The following COG4 variants were observed in gnomAD, a reference collection of about 807,000 sequenced individuals.
COG4 encodes the protein conserved oligomeric Golgi complex subunit 4.
A neutral mutation model predicts 95.1 loss-of-function variants in COG4; 65 were observed. The observed-to-expected ratio is 0.68, with a 90% CI of 0.56 to 0.84. COG4 has a LOEUF of 0.84. COG4 is among the 40% of genes least tolerant of loss of function. COG4 has a pLI of 0.00. For synonymous variants in COG4, 421 were observed against 374.8 expected (o/e 1.12, Z -1.42); for missense variants, 1,045 against 989.1 (o/e 1.06, Z -0.76).
chr16:70,498,175 G>A (rs546208422), intron 9 of COG4, 120 bp from the exon 10 acceptor site: 71 of 702,116 alleles, frequency 1.0e-4, no homozygotes, highest in South Asian at 3.4e-4. Flanking sequence ...ATTTTACATC[G>A]TTACAATCAT....
intron 12 of COG4, among the ~76,000 whole-genome samples, chr16:70,495,121 T>C (rs1225179615): frequency 1.3e-5 from 2 of 151,672 alleles, no homozygotes; most frequent in African/African-American, 2.4e-5. Context: ...CCAGGCACGG[T>C]AGCTCATGCC....
At chr16:70,512,746 G>A (rs748389394) in intron 4 of COG4, among the ~76,000 whole-genome samples, 3 of 152,204 alleles carry the variant, frequency 2.0e-5, no homozygotes, top group Admixed American at 6.5e-5. Context: ...TTGGAAGGCC[G>A]AGATGGCTGA....
At chr16:70,501,684 G>C (rs2049454072) in intron 8 of COG4, 1 of 157,576 alleles carries the variant, frequency 6.3e-6, no homozygotes, top group Non-Finnish European at 1.4e-5. Flanking sequence ...ACAGAGTCTT[G>C]CTCTGTTGCC....
chr16:70,492,248 T>G (rs1465044254), intron 12 of COG4, among the ~76,000 whole-genome samples: 2 of 152,182 alleles, frequency 1.3e-5, no homozygotes, highest in Admixed American at 6.6e-5. Context: ...TATAATATCC[T>G]TTATAATAAA....
chr16:70,488,947 C>T (rs2049189369), intron 13 of COG4, among the ~76,000 whole-genome samples: 1 of 152,338 alleles, frequency 6.6e-6, no homozygotes, highest in South Asian at 2.1e-4. Flanking sequence ...CCTCTCATAA[C>T]AGTCATGTGG....
intron 15 of COG4, 98 bp downstream of exon 15, chr16:70,482,631 A>G (rs2049021388): frequency 2.1e-6 from 2 of 964,204 alleles, no homozygotes; most frequent in Admixed American, 1.9e-5. Context: ...CCTGGGAAGC[A>G]TGGAAGGTCT....
chr16:70,497,276 C>T lies in COG4; in HGVS notation c.1426G>A (p.Asp476Asn). The change falls in exon 11 of 19, where the codon GAC (aspartate) becomes AAC (asparagine). Residue 476 changes from aspartate (D) to asparagine (N), a missense_variant. Coordinates refer to ENST00000323786, the MANE Select transcript of COG4 (RefSeq NM_015386.3). ...AGGTTGATCATGGCACAGAGACAGT[C>T]AATGCTGGAGCTGGACAGAGCCCGC... ...IGRALSSSSI[D>N]CLCAMINLAT... 6.2e-7 allele frequency: 1 copy of T among 1,614,130 alleles called. No homozygotes were observed. Among genetic ancestry groups the T allele is most frequent in the Admixed American group, 1.7e-5 (1 of 60,008 alleles).
intron 13 of COG4, among the ~76,000 whole-genome samples, chr16:70,485,000 G>A (rs952797462): frequency 1.3e-5 from 2 of 152,094 alleles, no homozygotes; most frequent in African/African-American, 2.4e-5. Context: ...TATGAAATAG[G>A]TAAAATTATT....
chr16:70,508,362 C>T (rs1250727781), intron 8 of COG4, 44 bp downstream of exon 8: 1 of 1,481,116 alleles, frequency 6.8e-7, no homozygotes, highest in African/African-American at 1.4e-5. Context: ...ACATGATTAC[C>T]AATTCAAACT....
chr16:70,522,837 T>C (rs1290017155), intron 1 of COG4, among the ~76,000 whole-genome samples: 1 of 152,062 alleles, frequency 6.6e-6, no homozygotes, highest in Non-Finnish European at 1.5e-5. Context: ...TGTCCAAGAT[T>C]AGAGAATTGT....
Position 70,482,718 on chromosome 16 carries a change from G to A in COG4, c.1920+11C>T, listed in dbSNP as rs749598979. 1.9e-6 allele frequency: 3 copies of A among 1,610,524 alleles called. No individual in the cohort carries two copies. The highest frequency in any genetic ancestry group is 1.6e-4 in the Middle Eastern group (1 of 6,080). ...CATCGGGGCTTGATGGCTGCCTGTG[G>A]CCAGGCTAACCTCCTCGATGTTGTG... On this transcript the variant is annotated intron_variant, in intron 15 of 18. Coordinates refer to ENST00000323786, the MANE Select transcript of COG4 (RefSeq NM_015386.3).
chr16:70,521,090 G>T (rs73571295), intron 1 of COG4, among the ~76,000 whole-genome samples: 3,655 of 151,964 alleles, frequency 0.024, 147 homozygotes, highest in African/African-American at 0.08. Context: ...TCACTATATT[G>T]CCCAGGCTGG....
chr16:70,512,158 A>T, intron 5 of COG4, 81 bp downstream of exon 5: 1 of 1,316,976 alleles, frequency 7.6e-7, no homozygotes, highest in Non-Finnish European at 1.1e-6. Flanking sequence ...GAAAGTATCC[A>T]CAGAAACTGG....
At chr16:70,505,016 A>G (rs914011913) in intron 8 of COG4, among the ~76,000 whole-genome samples, 4 of 152,130 alleles carry the variant, frequency 2.6e-5, no homozygotes, top group Admixed American at 2.0e-4. Flanking sequence ...TGTCTGGCAT[A>G]CAGTTGACAT....
intron 9 of COG4, among the ~76,000 whole-genome samples, chr16:70,499,553 AT>A (rs1331835743): frequency 6.6e-6 from 1 of 152,126 alleles, no homozygotes; most frequent in Non-Finnish European, 1.5e-5. Flanking sequence ...ATTTTTTTAA[AT>A]TTTTTTCCTT....
Position 70,512,315 on chromosome 16 carries a change from C to A in COG4, c.662G>T (p.Arg221Leu), listed in dbSNP as rs758395513. The change falls in exon 5 of 19, where the codon CGC becomes CTC. Residue 221 changes from arginine to leucine, a missense_variant. Coordinates refer to ENST00000323786, the MANE Select transcript of COG4 (RefSeq NM_015386.3). The part of the protein sequence containing the change: ...TKEGDLPQVE[R>L]FFKIFPLLGL... ...CAGCAGTGGGAAGATCTTGAAGAAG[C>A]GCTCCACCTGGGGCAGATCACCTTC... 6.2e-7 allele frequency: 1 copy of A among 1,614,112 alleles called. No individual in the cohort carries two copies. The highest frequency in any genetic ancestry group is 1.1e-5 in the South Asian group (1 of 91,070).
chr16:70,505,696 G>A (rs2151755332), intron 8 of COG4, among the ~76,000 whole-genome samples: 1 of 151,134 alleles, frequency 6.6e-6, no homozygotes, highest in Middle Eastern at 3.4e-3. Context: ...GGGCGTGGTG[G>A]CAGACGCCTG....
chr16:70,523,279 C>A (rs2049992873), intron 1 of COG4, 94 bp downstream of exon 1: 2 of 1,473,952 alleles, frequency 1.4e-6, no homozygotes, highest in Non-Finnish European at 1.9e-6. Context: ...TTGTATCCCC[C>A]AGCAAGGAGA....
intron 13 of COG4, among the ~76,000 whole-genome samples, chr16:70,489,016 C>T (rs188368942): frequency 1.3e-5 from 2 of 152,290 alleles, no homozygotes; most frequent in African/African-American, 2.4e-5. Context: ...GAACTTTTGC[C>T]TAAGGTCACA....
Sources: gnomAD v4.1 joint callset for allele counts (sites outside exome capture counted in the v4.1 genomes callset) on GRCh38, gnomAD v4.1.1 for gene constraint, MANE v1.5 for transcripts, NCBI Gene and HGNC (gene_info 2026-07-23, HGNC 2026-07-21) for gene names.